CNTN1: variants seen among roughly 807,000 people sequenced by gnomAD.
CNTN1 encodes contactin 1, also known as contactin-1.
Under a neutral mutation model 126.4 loss-of-function variants are expected in CNTN1, and 38 were observed. The ratio of observed to expected loss-of-function variants is 0.30; its 90% CI spans 0.23 to 0.39. The LOEUF (loss-of-function observed/expected upper bound fraction) is 0.39, where lower values mean the gene tolerates loss of function less well. Among genes scored for constraint, CNTN1 ranks in the 10% least tolerant of loss-of-function variants. The pLI is 1.00. For synonymous variants in CNTN1, 413 were observed against 422.6 expected, an observed-to-expected ratio of 0.98 and a Z score of 0.28; for missense variants, 1,009 against 1,248.4, an observed-to-expected ratio of 0.81 and a Z score of 2.89.
At chr12:40,826,232 A>G (rs1212156977) in intron 1 of CNTN1, among the ~76,000 whole-genome samples, 1 of 152,156 alleles carries the variant, frequency 6.6e-6, no homozygotes, top group Non-Finnish European at 1.5e-5. Flanking sequence ...TATAAATAAA[A>G]TGATCTTTTT....
At chr12:40,841,004 TA>T (rs1354417616) in intron 1 of CNTN1, among the ~76,000 whole-genome samples, 1 of 151,404 alleles carries the variant, frequency 6.6e-6, no homozygotes, top group African/African-American at 2.4e-5. Flanking sequence ...AAAGGATCAG[TA>T]AAACAAAAAG....
chr12:40,835,903 C>T (rs1942031999), intron 1 of CNTN1, among the ~76,000 whole-genome samples: 1 of 150,004 alleles, frequency 6.7e-6, no homozygotes. Context: ...AGGCACTAGG[C>T]CAGACACTGA....
chr12:40,923,986 A>AT (rs1489395888), intron 5 of CNTN1, among the ~76,000 whole-genome samples: 1 of 152,122 alleles, frequency 6.6e-6, no homozygotes, highest in Non-Finnish European at 1.5e-5. Context: ...ATCAAGTGAA[A>AT]TGTAAGTTCC....
intron 23 of CNTN1, among the ~76,000 whole-genome samples, chr12:41,036,687 T>C (rs1450859624): frequency 6.6e-6 from 1 of 152,148 alleles, no homozygotes; most frequent in Non-Finnish European, 1.5e-5. Flanking sequence ...TTATATTTAG[T>C]TACTTCCCAT....
chr12:40,716,923 G>A (rs898925873), intron 1 of CNTN1, among the ~76,000 whole-genome samples: 1 of 152,066 alleles, frequency 6.6e-6, no homozygotes, highest in African/African-American at 2.4e-5. Flanking sequence ...CAATTACAAA[G>A]CTCTTTTAGA....
intron 4 of CNTN1, 49 bp from the exon 5 acceptor site, chr12:40,922,207 T>G (rs769193720): frequency 1.3e-6 from 2 of 1,533,956 alleles, no homozygotes; most frequent in Non-Finnish European, 1.8e-6. Context: ...TCCGTAGAGT[T>G]TCTAGGTCTC....
At chr12:40,845,431 T>C (rs186961727) in intron 1 of CNTN1, among the ~76,000 whole-genome samples, 100 of 152,344 alleles carry the variant, frequency 6.6e-4, no homozygotes, top group African/African-American at 2.4e-3. Context: ...TATTATCACC[T>C]GTTTCACAGC....
intron 16 of CNTN1, among the ~76,000 whole-genome samples, chr12:40,982,364 A>G (rs1947842072): frequency 6.6e-6 from 1 of 152,214 alleles, no homozygotes; most frequent in African/African-American, 2.4e-5. Flanking sequence ...ATGGAAAAGT[A>G]TGATAATAAT....
intron 1 of CNTN1, among the ~76,000 whole-genome samples, chr12:40,744,931 A>T (rs1938118857): frequency 6.6e-6 from 1 of 152,146 alleles, no homozygotes; most frequent in Admixed American, 6.6e-5. Context: ...GTTTATTTTC[A>T]GCCCTTTGTT....
At chr12:41,029,257 T>G in intron 23 of CNTN1, 38 bp downstream of exon 23, 1 of 1,612,170 alleles carries the variant, frequency 6.2e-7, no homozygotes, top group African/African-American at 1.3e-5. Context: ...AACTAAGTAC[T>G]TGTGAGTTTC....
At chr12:41,001,205 A>ACACT (rs1948352826) in intron 17 of CNTN1, among the ~76,000 whole-genome samples, 1 of 152,088 alleles carries the variant, frequency 6.6e-6, no homozygotes. Flanking sequence ...AGGAACTGAC[A>ACACT]CACTGTCTTC....
intron 15 of CNTN1, among the ~76,000 whole-genome samples, chr12:40,963,902 A>T (rs1407506610): frequency 1.3e-5 from 2 of 152,128 alleles, no homozygotes; most frequent in Non-Finnish European, 2.9e-5. Flanking sequence ...GTTTTGCAGG[A>T]TTTATACAGC....
At chr12:40,876,306 A>G (rs1943666116) in intron 1 of CNTN1, among the ~76,000 whole-genome samples, 2 of 152,122 alleles carry the variant, frequency 1.3e-5, no homozygotes, top group Admixed American at 1.3e-4. Flanking sequence ...ATCAAATTCA[A>G]AAAAGCATAC....
intron 1 of CNTN1, among the ~76,000 whole-genome samples, chr12:40,797,789 G>T (rs1940495133): frequency 6.6e-6 from 1 of 151,970 alleles, no homozygotes; most frequent in South Asian, 2.1e-4. Context: ...ATATAGTTAT[G>T]CAGTACAAAA....
chr12:40,829,691 A>G (rs772630847), intron 1 of CNTN1, among the ~76,000 whole-genome samples: 1 of 152,172 alleles, frequency 6.6e-6, no homozygotes, highest in Non-Finnish European at 1.5e-5. Flanking sequence ...TAGTTTAGGT[A>G]TAAGAGGAAA....
At chr12:40,817,240 A>G (rs1458546442) in intron 1 of CNTN1, among the ~76,000 whole-genome samples, 1 of 152,170 alleles carries the variant, frequency 6.6e-6, no homozygotes, top group Admixed American at 6.5e-5. Context: ...TAATGCTGAC[A>G]GTGGGGTGTT....
intron 15 of CNTN1, among the ~76,000 whole-genome samples, chr12:40,965,993 T>TCA (rs1947292764): frequency 7.9e-6 from 1 of 127,338 alleles, no homozygotes; most frequent in South Asian, 2.5e-4. Context: ...ACACACCTCA[T>TCA]CACACCACAC....
chr12:40,972,032 A>C (rs1466210693), intron 15 of CNTN1: 3 of 985,900 alleles, frequency 3.0e-6, no homozygotes. Context: ...TTTGGCATGA[A>C]AGAATGAAAA....
intron 1 of CNTN1, among the ~76,000 whole-genome samples, chr12:40,851,994 T>G (rs1942733092): frequency 1.3e-5 from 2 of 152,108 alleles, no homozygotes; most frequent in African/African-American, 4.8e-5. Context: ...AGGCTCCAAG[T>G]TGAAGGCTAG....
Sources: allele counts gnomAD v4.1 joint callset (sites outside exome capture counted in the v4.1 genomes callset), GRCh38; gene constraint gnomAD v4.1.1; transcripts MANE v1.5; gene names NCBI Gene and HGNC (gene_info 2026-07-23, HGNC 2026-07-21).